The following CYP7B1 variants were observed in gnomAD, a reference collection of about 807,000 sequenced individuals.
CYP7B1 encodes cytochrome P450 family 7 subfamily B member 1.
Under a neutral mutation model 42.7 loss-of-function variants are expected in CYP7B1, and 29 were observed. The observed-to-expected ratio is 0.68, with a 90% CI of 0.51 to 0.93. CYP7B1 has a LOEUF of 0.93. CYP7B1 is among the 40% of genes least tolerant of loss of function. The pLI is 0.00. For synonymous variants in CYP7B1, 235 were observed against 218.2 expected, an observed-to-expected ratio of 1.08 and a Z score of -0.68; for missense variants, 655 against 600.5, an observed-to-expected ratio of 1.09 and a Z score of -0.95.
intron 1 of CYP7B1, among the ~76,000 whole-genome samples, chr8:64,674,039 C>T (rs1806406706): frequency 6.6e-6 from 1 of 152,002 alleles, no homozygotes; most frequent in South Asian, 2.1e-4. Flanking sequence ...CCACTTGGCC[C>T]TCTGGAACTG....
In CYP7B1 at chr8:64,663,402, A is replaced by G. The variant is rs545884398; in HGVS notation, c.123-38863T>C. On this transcript the variant is annotated intron_variant, in intron 1 of 5. Coordinates refer to ENST00000310193, the MANE Select transcript of CYP7B1 (RefSeq NM_004820.5). ...GGTTGTATGAATAAATGACTAAATAAATGGAGGCTTCACTCCGTAACATGA... is the reference window on the plus strand; with the variant it reads ...GGTTGTATGAATAAATGACTAAATAGATGGAGGCTTCACTCCGTAACATGA... Among the ~76,000 whole-genome samples, 126 of 152,328 alleles carry G rather than the reference A, an allele frequency of 8.3e-4. 1 individual carries two copies. Among genetic ancestry groups the G allele is most frequent in the Non-Finnish European group, 1.6e-3 (109 of 68,030 alleles).
At chr8:64,776,188 A>G (rs758753588) in intron 1 of CYP7B1, among the ~76,000 whole-genome samples, 5 of 152,110 alleles carry the variant, frequency 3.3e-5, no homozygotes, top group Non-Finnish European at 7.4e-5. Context: ...GATCTTACCA[A>G]TGTTTCACAG....
intron 1 of CYP7B1, among the ~76,000 whole-genome samples, chr8:64,779,489 G>A (rs890024604): frequency 1.3e-5 from 2 of 152,030 alleles, no homozygotes; most frequent in Admixed American, 6.6e-5. Flanking sequence ...GGAGTAGCCA[G>A]TGCTAAAGTG....
chr8:64,604,730 G>C lies in CYP7B1; in HGVS notation c.1185C>G (p.Ile395Met). 1 of 1,614,174 alleles carries C rather than the reference G, an allele frequency of 6.2e-7. No homozygotes were observed. Among genetic ancestry groups the C allele is most frequent in the Non-Finnish European group, 8.5e-7 (1 of 1,180,036 alleles). Residue 395 changes from isoleucine to methionine, a missense_variant, in exon 5 of 6, where the codon ATC becomes ATG. Ile to Met is a conservative substitution (Grantham distance 10). Transcript: ENST00000310193. The stretch of plus-strand genomic sequence containing the variant: ...GGTCACCATGTAGGACTGGAGGAAA[G>C]ATGGCTACCAAGTCTCCCTTTCGCA... ...YCVRKGDLVA[I>M]FPPVLHGDPE... is the part of the protein sequence containing the mutation.
chr8:64,790,940 G>C (rs1291371611), intron 1 of CYP7B1, among the ~76,000 whole-genome samples: 1 of 152,158 alleles, frequency 6.6e-6, no homozygotes, highest in African/African-American at 2.4e-5. Context: ...TCCATACAAA[G>C]AGGGGAAATG....
chr8:64,642,967 A>T (rs1805879676), intron 1 of CYP7B1, among the ~76,000 whole-genome samples: 1 of 151,508 alleles, frequency 6.6e-6, no homozygotes, highest in Non-Finnish European at 1.5e-5. Context: ...AAAATCTGCC[A>T]CCTTAATTTG....
At chr8:64,700,726 A>G (rs1324491652) in intron 1 of CYP7B1, among the ~76,000 whole-genome samples, 1 of 152,164 alleles carries the variant, frequency 6.6e-6, no homozygotes, top group African/African-American at 2.4e-5. Context: ...AACAAAGTAT[A>G]TGTATATGTG....
In CYP7B1 at chr8:64,759,948, T is replaced by G. The variant is rs140480238; in HGVS notation, c.122+38518A>C. 1.3e-3 allele frequency among the ~76,000 whole-genome samples: 192 copies of G among 152,256 alleles called. 3 individuals are homozygous for G. In the East Asian group the frequency reaches 0.027, roughly 22 times the overall value. On this transcript the variant is annotated intron_variant, in intron 1 of 5. Transcript: ENST00000310193. The stretch of plus-strand genomic sequence containing the variant: ...TCAGTTTTTTAAGCCCAAGAGAGGA[T>G]CAATATTTCAGAGAATATGTTATAG...
intron 1 of CYP7B1, among the ~76,000 whole-genome samples, chr8:64,731,596 C>G (rs1290162606): frequency 2.0e-5 from 3 of 152,130 alleles, no homozygotes. Context: ...GAAATTCAAG[C>G]CTGCTGCAGA....
intron 1 of CYP7B1, among the ~76,000 whole-genome samples, chr8:64,756,032 A>C (rs914745511): frequency 2.0e-5 from 3 of 152,180 alleles, no homozygotes; most frequent in Non-Finnish European, 2.9e-5. Flanking sequence ...TAAAAGTTAC[A>C]TCATTCGTCC....
rs535930751 is a variant in CYP7B1, at chr8:64,625,921, C to T, written c.123-1382G>A. Reference sequence around the variant, plus strand: ...ATAATAAAGGTATAGAGGGATGATGCATTATGGGATTTGAAGTTTTTTAAG... The same window carrying T: ...ATAATAAAGGTATAGAGGGATGATGTATTATGGGATTTGAAGTTTTTTAAG... On this transcript the variant is annotated intron_variant, in intron 1 of 5. Transcript: ENST00000310193. Among the ~76,000 whole-genome samples, 7 of 151,410 alleles carry T rather than the reference C, an allele frequency of 4.6e-5. No individual in the cohort carries two copies. In the South Asian group the frequency reaches 8.4e-4, roughly 18 times the overall value.
intron 1 of CYP7B1, among the ~76,000 whole-genome samples, chr8:64,647,788 C>T (rs1252231183): frequency 6.6e-6 from 1 of 152,128 alleles, no homozygotes; most frequent in Non-Finnish European, 1.5e-5. Flanking sequence ...GGAGGGCAGT[C>T]TACTCTACTG....
At chr8:64,724,425 G>A (rs1161251687) in intron 1 of CYP7B1, among the ~76,000 whole-genome samples, 2 of 152,138 alleles carry the variant, frequency 1.3e-5, no homozygotes, top group African/African-American at 4.8e-5. Flanking sequence ...GGGATTACAG[G>A]TGTGAGCCAC....
At chr8:64,779,620 T>C (rs992100799) in intron 1 of CYP7B1, among the ~76,000 whole-genome samples, 2 of 151,100 alleles carry the variant, frequency 1.3e-5, no homozygotes, top group African/African-American at 4.8e-5. Context: ...AGTAAGCCTC[T>C]TGCCTTCCTG....
intron 2 of CYP7B1, among the ~76,000 whole-genome samples, chr8:64,621,884 T>C (rs1805535923): frequency 6.6e-6 from 1 of 151,722 alleles, no homozygotes; most frequent in Admixed American, 6.6e-5. Flanking sequence ...TACAGGCACA[T>C]GCCACCATGC....
chr8:64,770,720 A>C (rs1301548965), intron 1 of CYP7B1, among the ~76,000 whole-genome samples: 1 of 152,198 alleles, frequency 6.6e-6, no homozygotes, highest in Admixed American at 6.5e-5. Flanking sequence ...AGTTACACAC[A>C]TTGGGTGGAT....
At chr8:64,677,596 A>G (rs1806468323) in intron 1 of CYP7B1, among the ~76,000 whole-genome samples, 1 of 151,842 alleles carries the variant, frequency 6.6e-6, no homozygotes, top group African/African-American at 2.4e-5. Context: ...TCGCCATCAC[A>G]TTAAAAATCT....
chr8:64,630,300 A>T (rs1274180951), intron 1 of CYP7B1, among the ~76,000 whole-genome samples: 1 of 152,254 alleles, frequency 6.6e-6, no homozygotes, highest in African/African-American at 2.4e-5. Flanking sequence ...TTGAGTTCAG[A>T]TATGAAGAAA....
intron 1 of CYP7B1, among the ~76,000 whole-genome samples, chr8:64,648,171 G>T: frequency 6.6e-6 from 1 of 152,168 alleles, no homozygotes; most frequent in East Asian, 1.9e-4. Context: ...GGTACACTGT[G>T]GTGACTGTAG....
Sources: allele counts gnomAD v4.1 joint callset (sites outside exome capture counted in the v4.1 genomes callset), GRCh38; gene constraint gnomAD v4.1.1; transcripts MANE v1.5; gene names NCBI Gene and HGNC (gene_info 2026-07-23, HGNC 2026-07-21).